The following KIAA1614 variants were observed in gnomAD, a reference collection of about 807,000 sequenced individuals.
The protein encoded by KIAA1614 is uncharacterized protein KIAA1614.
Under a neutral mutation model 88.7 loss-of-function variants are expected in KIAA1614, and 76 were observed. That is an observed-to-expected ratio of 0.86 (90% CI 0.71 to 1.04). KIAA1614 has a LOEUF of 1.04. Ranked by LOEUF, KIAA1614 falls within the 50% of genes least tolerant of loss-of-function variation. The pLI, the probability that KIAA1614 is intolerant of heterozygous loss-of-function variation, is 0.00. For synonymous variants in KIAA1614, 714 were observed against 675.5 expected, an observed-to-expected ratio of 1.06 and a Z score of -0.88; for missense variants, 1,553 against 1,582.5, an observed-to-expected ratio of 0.98 and a Z score of 0.32.
chr1:180,950,330 T>C lies in KIAA1614; in HGVS notation c.*4742T>C, dbSNP rs369285779. 14 of 1,176,066 alleles carry C rather than the reference T, an allele frequency of 1.2e-5. No homozygotes were observed. In the Admixed American group the frequency reaches 2.6e-4, roughly 22 times the overall value. The allele number at this position is 1,176,066 out of a possible 1,614,324, so 72.9% of individuals were successfully genotyped here. On this transcript the variant is annotated 3_prime_UTR_variant, in exon 9 of 9. Coordinates refer to ENST00000367588, the MANE Select transcript of KIAA1614 (RefSeq NM_020950.2). The stretch of plus-strand genomic sequence containing the variant: ...GTGTCATTGTGAAATTCTCCTGTTT[T>C]CCTCTGCAGGGATCTACGTGCAGGA...
intron 3 of KIAA1614, 55 bp from the exon 4 acceptor site, chr1:180,928,375 C>T (rs965791715): frequency 5.4e-5 from 79 of 1,466,672 alleles, no homozygotes; most frequent in African/African-American, 5.8e-5. Context: ...TCCTAATCTG[C>T]GTTATTTTCC....
At position 180,917,086 on chromosome 1, in the gene KIAA1614, A is replaced by G; in HGVS notation, c.983A>G (p.Asp328Gly). Residue 328 changes from aspartate (D) to glycine (G), a missense_variant, in exon 2 of 9, where the codon GAC becomes GGC. Asp to Gly is a moderately conservative substitution (Grantham distance 94). Coordinates refer to ENST00000367588, the MANE Select transcript of KIAA1614 (RefSeq NM_020950.2). ...ACCCCTGCCTGGACTCCATCCTGGG[A>G]CACAGCTGCACCAGGTGAAGCTCAC... Reference protein sequence around the residue: ...VGTPAWTPSWDTAAPERPVGD... With the variant: ...VGTPAWTPSWGTAAPERPVGD... 6.2e-7 allele frequency: 1 copy of G among 1,612,594 alleles called. No homozygotes were observed. Among genetic ancestry groups the G allele is most frequent in the Non-Finnish European group, 8.5e-7 (1 of 1,179,490 alleles).
rs1264748858 is a variant in KIAA1614 at position 180,931,218 on chromosome 1, C to T, written c.1205+2645C>T. ...GATAGACATGCCTAGATTGGTGTTA[C>T]TGATGGCAGGAGGACAGGACATGTC... On this transcript the variant is annotated intron_variant, in intron 4 of 8. Coordinates refer to ENST00000367588, the MANE Select transcript of KIAA1614 (RefSeq NM_020950.2). 2.0e-5 allele frequency among the ~76,000 whole-genome samples: 3 copies of T among 152,214 alleles called. No homozygotes were observed. The East Asian group carries it at 5.8e-4, about 29-fold the overall frequency.
chr1:180,923,641 C>G (rs1278775216), intron 3 of KIAA1614, among the ~76,000 whole-genome samples: 3 of 152,160 alleles, frequency 2.0e-5, no homozygotes, highest in Non-Finnish European at 4.4e-5. Flanking sequence ...TGTCTCCGGG[C>G]CCCAGTGCCT....
chr1:180,937,627 G>A (rs1654362331), intron 5 of KIAA1614, among the ~76,000 whole-genome samples: 2 of 152,188 alleles, frequency 1.3e-5, no homozygotes, highest in South Asian at 4.1e-4. Flanking sequence ...TGGCTCAAGA[G>A]GGACCCAGGG....
chr1:180,935,545 C>A lies in KIAA1614; in HGVS notation c.1636C>A (p.Pro546Thr), dbSNP rs773841700. The change falls in exon 5 of 9, where the codon CCG becomes ACG. Residue 546 changes from proline (P) to threonine (T), a missense_variant. Transcript: ENST00000367588. The surrounding 1 kb of genome is among the most constrained non-coding windows in gnomAD (Gnocchi z 6.1). ...CQACGSCIDD[P>T]RPAQGKAPPV... ...GGCCTGCGGCAGCTGCATCGACGAC[C>A]CGCGCCCCGCCCAGGGGAAGGCGCC... is the stretch of plus-strand genomic sequence containing the variant. 1 of 1,585,704 alleles carries A rather than the reference C, an allele frequency of 6.3e-7. No individual in the cohort carries two copies. The highest frequency in any genetic ancestry group is 1.1e-5 in the South Asian group (1 of 88,154).
In KIAA1614 at chr1:180,916,326, G is replaced by A. The variant is rs780024649; in HGVS notation, c.223G>A (p.Val75Ile). The A allele has an allele frequency of 6.2e-7, 1 of 1,614,106 alleles. No homozygotes were observed. The highest frequency in any genetic ancestry group is 8.5e-7 in the Non-Finnish European group (1 of 1,180,004). ...CCCCCAGCCTCCCAGGGTATGGGGA[G>A]TACAGCTCCAGGGCCCCTCTGTGCT... The part of the protein sequence containing the change: ...MAPQPPRVWG[V>I]QLQGPSVLES... Residue 75 changes from valine (V) to isoleucine (I), a missense_variant, in exon 2 of 9, where the codon GTA becomes ATA. By Grantham distance (29) the Val-to-Ile change is conservative. Transcript: ENST00000367588.
chr1:180,916,997 G>A lies in KIAA1614; in HGVS notation c.894G>A (p.Glu298=), dbSNP rs1278411170. Residue 298 remains glutamate (E), a synonymous_variant, in exon 2 of 9, where the codon GAG becomes GAA. Coordinates refer to ENST00000367588, the MANE Select transcript of KIAA1614 (RefSeq NM_020950.2). ...SSVLSLSDRV[E]RNRLLLQEML... The stretch of plus-strand genomic sequence containing the variant: ...TCTTGTCCCTGTCTGATCGGGTGGA[G>A]AGAAACCGCCTGTTGCTGCAGGAGA... 5 of 1,613,988 alleles carry A rather than the reference G, an allele frequency of 3.1e-6. No homozygotes were observed. Among genetic ancestry groups the A allele is most frequent in the African/African-American group, 1.3e-5 (1 of 74,946 alleles).
At chr1:180,945,204 T>C (rs1049551200) in intron 8 of KIAA1614, 99 bp from the exon 9 acceptor site, 3 of 1,352,362 alleles carry the variant, frequency 2.2e-6, no homozygotes, top group African/African-American at 1.5e-5. Context: ...AATGCCAGGC[T>C]CTTAAGTCTG....
chr1:180,917,846 C>A lies in KIAA1614; in HGVS notation c.998-5C>A, dbSNP rs1020147820. 2 of 1,613,612 alleles carry A rather than the reference C, an allele frequency of 1.2e-6. No individual in the cohort carries two copies. Among genetic ancestry groups the A allele is most frequent in the Non-Finnish European group, 8.5e-7 (1 of 1,179,612 alleles). ...CCTGATCTCTGCTTCTGTTCTGGAT[C>A]CTAGAGCGACCAGTGGGGGATGTGG... On this transcript the variant is annotated splice_region_variant and splice_polypyrimidine_tract_variant and intron_variant, in intron 2 of 8. Coordinates refer to ENST00000367588, the MANE Select transcript of KIAA1614 (RefSeq NM_020950.2).
intron 2 of KIAA1614, among the ~76,000 whole-genome samples, chr1:180,917,357 G>T (rs1327949715): frequency 3.9e-5 from 6 of 152,268 alleles, no homozygotes; most frequent in African/African-American, 4.8e-5. Flanking sequence ...CGTGCTTGGG[G>T]TTAGAGGCCA....
intron 7 of KIAA1614, among the ~76,000 whole-genome samples, chr1:180,942,476 A>T (rs1654490259): frequency 6.6e-6 from 1 of 152,174 alleles, no homozygotes; most frequent in South Asian, 2.1e-4. Flanking sequence ...TGCAGGCGAG[A>T]AGAGGATGCG....
At position 180,949,800 on chromosome 1, in the gene KIAA1614, T is replaced by C. The variant is rs1472845543; in HGVS notation, c.*4212T>C. Reference sequence around the variant, plus strand: ...GTAAGACTGAGGCCAGTGTCAGTCTTTGGCAATAGAGTGCAGCAAACCAGG... The same window carrying C: ...GTAAGACTGAGGCCAGTGTCAGTCTCTGGCAATAGAGTGCAGCAAACCAGG... On this transcript the variant is annotated 3_prime_UTR_variant, in exon 9 of 9. Coordinates refer to ENST00000367588, the MANE Select transcript of KIAA1614 (RefSeq NM_020950.2). 1 of 152,218 alleles carries C rather than the reference T, an allele frequency of 6.6e-6. No homozygotes were observed. Among genetic ancestry groups the C allele is most frequent in the Non-Finnish European group, 1.5e-5 (1 of 68,046 alleles). The allele number at this position is 152,218 out of a possible 1,614,324, so 9.4% of individuals were successfully genotyped here.
intron 8 of KIAA1614, 168 bp from the exon 9 acceptor site, chr1:180,945,135 C>A (rs1654560316): frequency 4.2e-6 from 3 of 719,444 alleles, no homozygotes; most frequent in African/African-American, 1.9e-5. Context: ...CGGAAACCCA[C>A]CAGTTTTGGC....
At chr1:180,919,648 A>T (rs1391410448) in intron 3 of KIAA1614, among the ~76,000 whole-genome samples, 1 of 152,148 alleles carries the variant, frequency 6.6e-6, no homozygotes, top group African/African-American at 2.4e-5. Context: ...GATTCTGCTC[A>T]GTGGCCACTG....
At chr1:180,943,160 G>A (rs566889592) in intron 7 of KIAA1614, among the ~76,000 whole-genome samples, 3 of 152,182 alleles carry the variant, frequency 2.0e-5, no homozygotes, top group African/African-American at 7.2e-5. Context: ...CTGAGTAGTT[G>A]AGAGTACAGG....
chr1:180,935,432 G>T lies in KIAA1614; in HGVS notation c.1523G>T (p.Gly508Val). The T allele has an allele frequency of 1.2e-5, 18 of 1,479,318 alleles. No homozygotes were observed. The highest frequency in any genetic ancestry group is 1.6e-5 in the Non-Finnish European group (18 of 1,121,634). 91.6% of individuals were successfully genotyped at this position (1,479,318 alleles called of 1,614,324 possible). A position where few individuals can be genotyped will look rare whatever the true frequency, so the allele number is the denominator to read the frequency against. ...GGGGCTCCCCGGCTCCGGGACGCGG[G>T]GCAGGGGACATTCCACAGGCTTGTG... ...INGAPRLRDA[G>V]QGTFHRLVGS... The change falls in exon 5 of 9, where the codon GGG becomes GTG. Residue 508 changes from glycine to valine, a missense_variant. By Grantham distance (109) the Gly-to-Val change is moderately radical. Transcript: ENST00000367588. The surrounding 1 kb of genome is among the most constrained non-coding windows in gnomAD (Gnocchi z 6.1).
intron 4 of KIAA1614, among the ~76,000 whole-genome samples, chr1:180,933,636 G>A (rs755983818): frequency 1.3e-5 from 2 of 152,166 alleles, no homozygotes; most frequent in Non-Finnish European, 2.9e-5. Flanking sequence ...CCTGAAACTC[G>A]GGTTACCTGG....
In KIAA1614 at chr1:180,941,266, C is replaced by T. The variant is rs772926484; in HGVS notation, c.3140C>T (p.Ser1047Leu). Residue 1047 changes from serine (S) to leucine (L), a missense_variant, in exon 7 of 9, where the codon TCG (serine) becomes TTG (leucine). By Grantham distance (145) the Ser-to-Leu change is moderately radical. Coordinates refer to ENST00000367588, the MANE Select transcript of KIAA1614 (RefSeq NM_020950.2). ...PGLTSQSRAPSLQSLHPVSPS... is the reference protein window; with the variant it reads ...PGLTSQSRAPLLQSLHPVSPS... ...CTGACGTCACAGTCCAGGGCCCCATCGTTACAATCCCTGCACCCGGTGAGT... is the reference window on the plus strand; with the variant it reads ...CTGACGTCACAGTCCAGGGCCCCATTGTTACAATCCCTGCACCCGGTGAGT... The T allele has an allele frequency of 2.2e-5, 35 of 1,610,060 alleles. No homozygotes were observed. The highest frequency in any genetic ancestry group is 9.4e-5 in the African/African-American group (7 of 74,820).
Sources: allele counts gnomAD v4.1 joint callset (sites outside exome capture counted in the v4.1 genomes callset), GRCh38; gene constraint gnomAD v4.1.1; non-coding constraint Gnocchi (gnomAD v3.1); transcripts MANE v1.5; gene names NCBI Gene and HGNC (gene_info 2026-07-23, HGNC 2026-07-21).